Variants in RYK observed in about 807,000 individuals in gnomAD.
RYK encodes receptor like tyrosine kinase.
In RYK, 21 loss-of-function variants were observed where a neutral mutation model predicts 70.2. The ratio of observed to expected loss-of-function variants is 0.30; its 90% CI spans 0.21 to 0.43. RYK has a LOEUF of 0.43. RYK is among the 20% of genes least tolerant of loss of function. RYK has a pLI of 1.00. For synonymous variants in RYK, 267 were observed against 278.0 expected (o/e 0.96, Z 0.39); for missense variants, 604 against 753.3 (o/e 0.80, Z 2.32).
At chr3:134,199,424 T>G (rs957198675) in intron 6 of RYK, among the ~76,000 whole-genome samples, 11 of 152,236 alleles carry the variant, frequency 7.2e-5, no homozygotes, top group African/African-American at 2.7e-4. Flanking sequence ...ATGACAATAG[T>G]GGATTATTAA....
intron 8 of RYK, among the ~76,000 whole-genome samples, chr3:134,191,597 AC>A (rs2013642786): frequency 6.6e-6 from 1 of 152,176 alleles, no homozygotes; most frequent in African/African-American, 2.4e-5. Context: ...CAGAGAATAC[AC>A]CTTAAATATA....
chr3:134,161,238 T>C (rs1368230798), intron 13 of RYK, among the ~76,000 whole-genome samples: 1 of 152,220 alleles, frequency 6.6e-6, no homozygotes, highest in African/African-American at 2.4e-5. Context: ...ATGGAAACAC[T>C]ATATTAAACA....
At chr3:134,214,429 C>T (rs1451316421) in intron 2 of RYK, among the ~76,000 whole-genome samples, 2 of 152,162 alleles carry the variant, frequency 1.3e-5, no homozygotes, top group African/African-American at 2.4e-5. Context: ...GTTAAAGCCA[C>T]TTCCCTTCTC....
At chr3:134,168,116 AAAC>A (rs1475238512) in intron 13 of RYK, among the ~76,000 whole-genome samples, 1 of 152,194 alleles carries the variant, frequency 6.6e-6, no homozygotes, top group Non-Finnish European at 1.5e-5. Flanking sequence ...AAAAGTCAGG[AAAC>A]AACAGGTGAT....
At chr3:134,214,985 C>T (rs957583394) in intron 2 of RYK, among the ~76,000 whole-genome samples, 1 of 152,218 alleles carries the variant, frequency 6.6e-6, no homozygotes, top group Non-Finnish European at 1.5e-5. Context: ...CAATTTCTCT[C>T]ACTCTCTTTT....
At chr3:134,210,604 T>C (rs1354760960) in intron 3 of RYK, among the ~76,000 whole-genome samples, 1 of 152,230 alleles carries the variant, frequency 6.6e-6, no homozygotes, top group Non-Finnish European at 1.5e-5. Context: ...CACAACACTA[T>C]TGTGGCTGAT....
In RYK at chr3:134,199,817, G is replaced by T. The variant is rs569063380; in HGVS notation, c.788+2913C>A. Among the ~76,000 whole-genome samples, 15 of 152,172 alleles carry T rather than the reference G, an allele frequency of 9.9e-5. No individual in the cohort carries two copies. In the South Asian group the frequency reaches 2.9e-3, roughly 30 times the overall value. On this transcript the variant is annotated intron_variant, in intron 6 of 14. Coordinates refer to ENST00000623711, the MANE Select transcript of RYK (RefSeq NM_002958.4). Reference sequence around the variant, plus strand: ...GGCTTCTGGGTCGGGTGGGGACTTGGACAACTTTTCTGTCTAGCTAAAGGA... The same window carrying T: ...GGCTTCTGGGTCGGGTGGGGACTTGTACAACTTTTCTGTCTAGCTAAAGGA...
rs143192257 is a variant in RYK, at chr3:134,229,199, G to A, written c.233-6660C>T. Among the ~76,000 whole-genome samples the A allele has an allele frequency of 1.7e-4, 26 of 152,000 alleles. No individual in the cohort carries two copies. The East Asian group carries it at 1.7e-3, about 10-fold the overall frequency. On this transcript the variant is annotated intron_variant, in intron 1 of 14. Coordinates refer to ENST00000623711, the MANE Select transcript of RYK (RefSeq NM_002958.4). ...GAGGCCCTGTCTGCCAGAGCGGAGCGCTCCCTCTCTGGGGCTCTGTCGCTC... is the reference window on the plus strand; with the variant it reads ...GAGGCCCTGTCTGCCAGAGCGGAGCACTCCCTCTCTGGGGCTCTGTCGCTC...
intron 13 of RYK, among the ~76,000 whole-genome samples, chr3:134,170,153 T>C (rs1039566971): frequency 6.6e-6 from 1 of 152,216 alleles, no homozygotes; most frequent in Non-Finnish European, 1.5e-5. Context: ...CATACATATG[T>C]GTGTGTGGGA....
At chr3:134,210,883 A>T (rs1169161045) in intron 3 of RYK, among the ~76,000 whole-genome samples, 2 of 152,238 alleles carry the variant, frequency 1.3e-5, no homozygotes. Context: ...GGCAGAAAAA[A>T]GACAGTGCAG....
chr3:134,163,337 TAGAC>T (rs1406383703), intron 13 of RYK, among the ~76,000 whole-genome samples: 2 of 152,228 alleles, frequency 1.3e-5, no homozygotes, highest in Non-Finnish European at 2.9e-5. Flanking sequence ...ATTTAAAATT[TAGAC>T]AGACTTATTC....
At chr3:134,165,290 T>C (rs2012622088) in intron 13 of RYK, among the ~76,000 whole-genome samples, 2 of 152,228 alleles carry the variant, frequency 1.3e-5, no homozygotes, top group Admixed American at 1.3e-4. Context: ...CATACTGAAT[T>C]TTCTACATAA....
At chr3:134,232,917 C>A (rs141801847) in intron 1 of RYK, among the ~76,000 whole-genome samples, 1 of 152,342 alleles carries the variant, frequency 6.6e-6, no homozygotes, top group African/African-American at 2.4e-5. Flanking sequence ...TCATTTAGCT[C>A]AGCTGCTGCC....
chr3:134,229,308 C>A (rs2014993070), intron 1 of RYK, among the ~76,000 whole-genome samples: 1 of 150,174 alleles, frequency 6.7e-6, no homozygotes, highest in African/African-American at 2.5e-5. Context: ...CTCTCTCTCT[C>A]TCTCTCTCTT....
chr3:134,180,555 T>G (rs1358430048), intron 10 of RYK: 1 of 152,246 alleles, frequency 6.6e-6, no homozygotes, highest in Non-Finnish European at 1.5e-5. Context: ...CATTTCATTT[T>G]CATTCTGCCT....
At chr3:134,225,833 T>C (rs2014891576) in intron 1 of RYK, among the ~76,000 whole-genome samples, 2 of 150,982 alleles carry the variant, frequency 1.3e-5, no homozygotes, top group Non-Finnish European at 1.5e-5. Flanking sequence ...CTCCCGTCTA[T>C]GTAACACAAG....
At chr3:134,205,677 C>G (rs1042917885) in intron 5 of RYK, among the ~76,000 whole-genome samples, 4 of 152,244 alleles carry the variant, frequency 2.6e-5, no homozygotes, top group Non-Finnish European at 5.9e-5. Flanking sequence ...TCATTTGCCA[C>G]CATCTGGTCA....
At position 134,209,712 on chromosome 3, in the gene RYK, C is replaced by T; in HGVS notation, c.572G>A (p.Arg191Lys). The T allele has an allele frequency of 6.8e-7, 1 of 1,471,072 alleles. No individual in the cohort carries two copies. The highest frequency in any genetic ancestry group is 9.1e-7 in the Non-Finnish European group (1 of 1,104,588). 91.1% of individuals were successfully genotyped at this position (1,471,072 alleles called of 1,614,324 possible). A position where few individuals can be genotyped will look rare whatever the true frequency, so the allele number is the denominator to read the frequency against. Reference protein sequence around the residue: ...KNFTVLNFKRRKMCYKKLEEV... With the variant: ...KNFTVLNFKRKKMCYKKLEEV... ...TTCCTTACTTTTGTAGCACATTTTCCTTCGTTTAAAATTTAAGACGGTAAA... is the reference window on the plus strand; with the variant it reads ...TTCCTTACTTTTGTAGCACATTTTCTTTCGTTTAAAATTTAAGACGGTAAA... The change falls in exon 4 of 15, where the codon AGG becomes AAG. Residue 191 changes from arginine to lysine, a missense_variant. Arg to Lys is a conservative substitution (Grantham distance 26, BLOSUM62 2). Transcript: ENST00000623711.
chr3:134,190,053 TG>T (rs1424362296), intron 8 of RYK, among the ~76,000 whole-genome samples: 1 of 152,204 alleles, frequency 6.6e-6, no homozygotes, highest in Non-Finnish European at 1.5e-5. Flanking sequence ...CTCTATGAGG[TG>T]GAGTTGTTGG....
Sources: allele counts gnomAD v4.1 joint callset (sites outside exome capture counted in the v4.1 genomes callset), GRCh38; gene constraint gnomAD v4.1.1; transcripts MANE v1.5; gene names NCBI Gene and HGNC (gene_info 2026-07-23, HGNC 2026-07-21).